The following KCNJ6 variants were observed in gnomAD, a reference collection of about 807,000 sequenced individuals.
The protein encoded by KCNJ6 is potassium inwardly rectifying channel subfamily J member 6.
KCNJ6 carries 9 observed loss-of-function variants against 34.2 expected under a neutral mutation model. That is an observed-to-expected ratio of 0.26 (90% CI 0.16 to 0.46). KCNJ6 has a LOEUF of 0.46. Ranked by LOEUF, KCNJ6 falls within the 20% of genes least tolerant of loss-of-function variation. The pLI, the probability that KCNJ6 is intolerant of heterozygous loss-of-function variation, is 1.00. For synonymous variants in KCNJ6, 196 were observed against 207.1 expected (o/e 0.95, Z 0.46); for missense variants, 236 against 531.3 (o/e 0.44, Z 5.46).
rs2054248370 is a variant in KCNJ6, at chr21:37,613,014, T to G, written c.*12145A>C. 1 of 152,058 alleles carries G rather than the reference T, an allele frequency of 6.6e-6. No individual in the cohort carries two copies. The highest frequency in any genetic ancestry group is 1.5e-5 in the Non-Finnish European group (1 of 67,996). The allele number at this position is 152,058 out of a possible 1,614,324, so 9.4% of individuals were successfully genotyped here. The stretch of plus-strand genomic sequence containing the variant: ...GATAATGAGAAGACAAGCCACGGAC[T>G]GGGAGAAAATATTTACAGAAGACAC... On this transcript the variant is annotated 3_prime_UTR_variant, in exon 4 of 4. Transcript: ENST00000609713.
chr21:37,755,933 C>G (rs2055022080), intron 2 of KCNJ6, among the ~76,000 whole-genome samples: 1 of 152,230 alleles, frequency 6.6e-6, no homozygotes, highest in African/African-American at 2.4e-5. Context: ...GGAATGCAGG[C>G]ACTTTGTGAA....
At chr21:37,834,801 T>C (rs1601493565) in intron 2 of KCNJ6, among the ~76,000 whole-genome samples, 1 of 152,222 alleles carries the variant, frequency 6.6e-6, no homozygotes, top group African/African-American at 2.4e-5. Context: ...CCAAGACCTC[T>C]GAACCCCTCA....
At chr21:37,788,726 T>C (rs2123519583) in intron 2 of KCNJ6, among the ~76,000 whole-genome samples, 1 of 152,262 alleles carries the variant, frequency 6.6e-6, no homozygotes, top group South Asian at 2.1e-4. Flanking sequence ...AGAGACCACG[T>C]GGAGCAGAGA....
intron 1 of KCNJ6, among the ~76,000 whole-genome samples, chr21:37,851,093 A>C (rs1000852147): frequency 2.0e-5 from 3 of 152,168 alleles, no homozygotes; most frequent in African/African-American, 7.2e-5. Context: ...TGTATAACCC[A>C]TGTGGAGCCC....
At chr21:37,726,859 G>C (rs1184317352) in intron 2 of KCNJ6, among the ~76,000 whole-genome samples, 2 of 152,236 alleles carry the variant, frequency 1.3e-5, no homozygotes, top group African/African-American at 4.8e-5. Context: ...CACTAGTGTT[G>C]TGGATTGAAG....
chr21:37,860,399 G>A (rs1383358066), intron 1 of KCNJ6, among the ~76,000 whole-genome samples: 1 of 152,142 alleles, frequency 6.6e-6, no homozygotes, highest in African/African-American at 2.4e-5. Flanking sequence ...TTCTCGCCTG[G>A]TCTACGCCAG....
intron 2 of KCNJ6, among the ~76,000 whole-genome samples, chr21:37,831,917 A>T (rs535108268): frequency 2.6e-5 from 4 of 152,270 alleles, no homozygotes; most frequent in African/African-American, 9.6e-5. Context: ...AAGGCAGTAG[A>T]GGGAAGTAAG....
At position 37,868,236 on chromosome 21, in the gene KCNJ6, A is replaced by T. The variant is rs115172747; in HGVS notation, c.-27-27527T>A. On this transcript the variant is annotated intron_variant, in intron 1 of 3. Transcript: ENST00000609713. ...GTAGCACATTCTCCTATTAATATAC[A>T]TGACTACAGCTAGCGAGATCATTAC... Among the ~76,000 whole-genome samples the T allele has an allele frequency of 7.2e-3, 1,092 of 152,328 alleles. 13 individuals are homozygous for T. Among genetic ancestry groups the T allele is most frequent in the African/African-American group, 0.025 (1,042 of 41,572 alleles).
intron 3 of KCNJ6, among the ~76,000 whole-genome samples, chr21:37,703,683 C>T (rs2054703871): frequency 6.6e-6 from 1 of 152,204 alleles, no homozygotes; most frequent in African/African-American, 2.4e-5. Flanking sequence ...TCCACTGGGC[C>T]ACCACCTTCC....
chr21:37,699,149 A>G (rs983533675), intron 3 of KCNJ6, among the ~76,000 whole-genome samples: 3 of 152,240 alleles, frequency 2.0e-5, no homozygotes, highest in African/African-American at 7.2e-5. Flanking sequence ...AATATTTACA[A>G]TCTGGCCTTT....
intron 1 of KCNJ6, among the ~76,000 whole-genome samples, chr21:37,858,372 G>A (rs1327877300): frequency 2.7e-5 from 3 of 110,522 alleles, no homozygotes; most frequent in South Asian, 6.5e-4. Flanking sequence ...CAGCCTGGGC[G>A]ACAGAGCAAG....
intron 1 of KCNJ6, among the ~76,000 whole-genome samples, chr21:37,857,854 T>C (rs533487161): frequency 6.6e-6 from 1 of 152,072 alleles, no homozygotes; most frequent in Non-Finnish European, 1.5e-5. Context: ...GTACAGTGAA[T>C]ATAGTAAGTG....
chr21:37,651,878 C>T (rs1039096949), intron 3 of KCNJ6, among the ~76,000 whole-genome samples: 3 of 152,226 alleles, frequency 2.0e-5, no homozygotes, highest in Admixed American at 6.5e-5. Flanking sequence ...CACATGTCAA[C>T]TTCAACCACA....
At chr21:37,767,510 C>G (rs750461037) in intron 2 of KCNJ6, among the ~76,000 whole-genome samples, 2 of 152,260 alleles carry the variant, frequency 1.3e-5, no homozygotes, top group Middle Eastern at 3.4e-3. Flanking sequence ...TTGGGAGTTG[C>G]CACTGCCAAC....
chr21:37,851,265 G>C (rs1175660950), intron 1 of KCNJ6, among the ~76,000 whole-genome samples: 1 of 152,216 alleles, frequency 6.6e-6, no homozygotes. Flanking sequence ...TAGGACAGCA[G>C]AGAGTCCCAG....
chr21:37,682,085 A>G (rs148473988), intron 3 of KCNJ6, among the ~76,000 whole-genome samples: 2 of 152,340 alleles, frequency 1.3e-5, no homozygotes, highest in African/African-American at 4.8e-5. Flanking sequence ...CAGGTAGACA[A>G]TAGAAGGGGA....
chr21:37,679,556 C>A (rs142667309), intron 3 of KCNJ6, among the ~76,000 whole-genome samples: 2 of 152,174 alleles, frequency 1.3e-5, no homozygotes, highest in Non-Finnish European at 2.9e-5. Flanking sequence ...TTGATAATTG[C>A]ATGATCTCAG....
Position 37,714,536 on chromosome 21 carries a change from G to T in KCNJ6, c.621C>A (p.Thr207=). The change falls in exon 3 of 4, where the codon ACC becomes ACA. Residue 207 remains threonine (T), a synonymous_variant. Coordinates refer to ENST00000609713, the MANE Select transcript of KCNJ6 (RefSeq NM_002240.5). This position sits in a 1 kb window ranked among gnomAD's most constrained non-coding sequence, Gnocchi z 5.9. ...KKRAETLVFS[T]HAVISMRDGK... ...CATCCCGCATGGAGATCACTGCATGGGTGGAAAAGACCAGGGTCTCTGCCC... is the reference window on the plus strand; with the variant it reads ...CATCCCGCATGGAGATCACTGCATGTGTGGAAAAGACCAGGGTCTCTGCCC... 1.9e-6 allele frequency: 3 copies of T among 1,614,122 alleles called. No individual in the cohort carries two copies. Among genetic ancestry groups the T allele is most frequent in the Non-Finnish European group, 2.5e-6 (3 of 1,180,012 alleles).
At position 37,864,426 on chromosome 21, in the gene KCNJ6, T is replaced by C. The variant is rs377318683; in HGVS notation, c.-27-23717A>G. On this transcript the variant is annotated intron_variant, in intron 1 of 3. Transcript: ENST00000609713. ...ATGGCCGGCCAGGAATATCCAGTTCTTTAATAGTGTTTCTTTTTTAAAACA... is the reference window on the plus strand; with the variant it reads ...ATGGCCGGCCAGGAATATCCAGTTCCTTAATAGTGTTTCTTTTTTAAAACA... Among the ~76,000 whole-genome samples the C allele has an allele frequency of 3.3e-5, 5 of 152,270 alleles. No individual in the cohort carries two copies. The East Asian group carries it at 7.7e-4, about 24-fold the overall frequency.
Sources: gnomAD v4.1 joint callset for allele counts (sites outside exome capture counted in the v4.1 genomes callset) on GRCh38, gnomAD v4.1.1 for gene constraint, Gnocchi (gnomAD v3.1) non-coding constraint, MANE v1.5 for transcripts, NCBI Gene and HGNC (gene_info 2026-07-23, HGNC 2026-07-21) for gene names.